Variants in ASTN2 observed in about 807,000 individuals in gnomAD.
The protein encoded by ASTN2 is astrotactin-2.
ASTN2 carries 54 observed loss-of-function variants against 139.8 expected under a neutral mutation model. The ratio of observed to expected loss-of-function variants is 0.39; its 90% CI spans 0.31 to 0.48. The LOEUF is 0.48. ASTN2 is among the 20% of genes least tolerant of loss of function. ASTN2 has a pLI of 0.95. For missense variants in ASTN2, 1,565 were observed against 1,725.1 expected, an observed-to-expected ratio of 0.91 and a Z score of 1.64; for synonymous variants, 756 against 719.5, an observed-to-expected ratio of 1.05 and a Z score of -0.81.
rs746847988 is a variant in ASTN2, at chr9:116,651,687, T to G, written c.2913A>C (p.Ser971=). ...TCTCCTCACAGCGAATCTCCACACC[T>G]GAAATGAGCTGGTCATCTGACAGCA... ...AQMLSDDQLI[S]GVEIRCEEKG... Residue 971 remains serine (S), a synonymous_variant, in exon 17 of 23, where the codon TCA becomes TCC. Transcript: ENST00000313400. 1 of 1,614,078 alleles carries G rather than the reference T, an allele frequency of 6.2e-7. No homozygotes were observed. The highest frequency in any genetic ancestry group is 1.1e-5 in the South Asian group (1 of 91,078).
At chr9:117,110,141 T>C (rs1829214739) in intron 4 of ASTN2, among the ~76,000 whole-genome samples, 1 of 152,256 alleles carries the variant, frequency 6.6e-6, no homozygotes, top group Admixed American at 6.5e-5. Flanking sequence ...TATTTCTTGC[T>C]TTAATAATAT....
intron 1 of ASTN2, among the ~76,000 whole-genome samples, chr9:117,311,821 T>C (rs1355689222): frequency 6.6e-6 from 1 of 152,160 alleles, no homozygotes; most frequent in Non-Finnish European, 1.5e-5. Flanking sequence ...CTCATGAATG[T>C]TCGTGAAGTG....
chr9:117,386,011 C>G (rs1379340898), intron 1 of ASTN2, among the ~76,000 whole-genome samples: 1 of 152,044 alleles, frequency 6.6e-6, no homozygotes, highest in African/African-American at 2.4e-5. Flanking sequence ...CAGGAAGGCC[C>G]AGTGCTCAGG....
At chr9:117,152,267 C>G (rs578206481) in intron 3 of ASTN2, among the ~76,000 whole-genome samples, 1 of 152,268 alleles carries the variant, frequency 6.6e-6, no homozygotes, top group African/African-American at 2.4e-5. Context: ...GGGTCTTGCA[C>G]AGAGTCAAAG....
At chr9:116,506,242 C>T (rs1850104095) in intron 19 of ASTN2, among the ~76,000 whole-genome samples, 1 of 152,174 alleles carries the variant, frequency 6.6e-6, no homozygotes, top group South Asian at 2.1e-4. Flanking sequence ...GGCTGGCATT[C>T]TGATGCACAC....
chr9:117,159,248 T>C (rs1043015378), intron 3 of ASTN2, among the ~76,000 whole-genome samples: 2 of 152,002 alleles, frequency 1.3e-5, no homozygotes, highest in African/African-American at 4.8e-5. Flanking sequence ...CTGAACAGTT[T>C]TTTTAAAATC....
rs56991546 is a variant in ASTN2 at position 116,718,972 on chromosome 9, G to GTGTGTGTGTGTATATATATATATATA, written c.2806+6798_2806+6799insTATATATATATATATACACACACACA. Among the ~76,000 whole-genome samples, 22 of 100,046 alleles carry GTGTGTGTGTGTATATATATATATATA rather than the reference G, an allele frequency of 2.2e-4. 1 individual carries two copies. Among genetic ancestry groups the GTGTGTGTGTGTATATATATATATATA allele is most frequent in the African/African-American group, 7.7e-4 (20 of 26,054 alleles). The allele number at this position is 100,046 out of a possible 152,430, so 65.6% of individuals were successfully genotyped here. A position where few individuals can be genotyped will look rare whatever the true frequency, so the allele number is the denominator to read the frequency against. ...TATTTACATATCTATACCTGTATCT[G>GTGTGTGTGTGTATATATATATATATA]TACATATATATATATATATCTGCCT... On this transcript the variant is annotated intron_variant, in intron 16 of 22. Coordinates refer to ENST00000313400, the MANE Select transcript of ASTN2 (RefSeq NM_001365068.1).
chr9:117,117,172 T>C (rs1376794768), intron 4 of ASTN2, among the ~76,000 whole-genome samples: 1 of 152,000 alleles, frequency 6.6e-6, no homozygotes, highest in Non-Finnish European at 1.5e-5. Flanking sequence ...GGTACCTCAG[T>C]TTCCCCTTAG....
At chr9:116,897,988 A>T (rs553171028) in intron 10 of ASTN2, among the ~76,000 whole-genome samples, 2 of 152,310 alleles carry the variant, frequency 1.3e-5, no homozygotes, top group South Asian at 4.1e-4. Context: ...GAGTGATTTT[A>T]GTTATAGTGA....
intron 5 of ASTN2, among the ~76,000 whole-genome samples, chr9:117,060,657 G>C (rs937850452): frequency 1.3e-5 from 2 of 151,932 alleles, no homozygotes; most frequent in African/African-American, 4.8e-5. Context: ...ACTTTGGGAG[G>C]CTGAGGTGGG....
chr9:117,122,303 C>T (rs1403770728), intron 4 of ASTN2, among the ~76,000 whole-genome samples: 18 of 152,152 alleles, frequency 1.2e-4, no homozygotes, highest in Non-Finnish European at 2.9e-5. Flanking sequence ...ATGACTCTCA[C>T]ATAAGATGAG....
At chr9:117,168,509 G>A (rs1038347709) in intron 3 of ASTN2, among the ~76,000 whole-genome samples, 1 of 152,104 alleles carries the variant, frequency 6.6e-6, no homozygotes, top group African/African-American at 2.4e-5. Flanking sequence ...ATTTGGAGGT[G>A]AGAGTTCTGT....
At chr9:116,533,404 A>C (rs1851455125) in intron 19 of ASTN2, among the ~76,000 whole-genome samples, 1 of 152,158 alleles carries the variant, frequency 6.6e-6, no homozygotes. Context: ...TATGTTGAAT[A>C]GGAGTGGTGA....
At chr9:117,135,727 G>C (rs1283675540) in intron 4 of ASTN2, among the ~76,000 whole-genome samples, 2 of 152,174 alleles carry the variant, frequency 1.3e-5, no homozygotes, top group African/African-American at 4.8e-5. Flanking sequence ...GGCTGCGGTA[G>C]GGGCTGAGAA....
intron 10 of ASTN2, among the ~76,000 whole-genome samples, chr9:116,897,275 T>C (rs534817600): frequency 2.6e-5 from 4 of 152,326 alleles, no homozygotes; most frequent in African/African-American, 7.2e-5. Flanking sequence ...TCTGTGACGA[T>C]TGTCAAGTCA....
chr9:116,727,313 A>C (rs184586159), intron 15 of ASTN2, among the ~76,000 whole-genome samples: 61 of 152,282 alleles, frequency 4.0e-4, no homozygotes, highest in Admixed American at 7.8e-4. Flanking sequence ...AACCACAATT[A>C]TTACAAGAAC....
intron 1 of ASTN2, among the ~76,000 whole-genome samples, chr9:117,302,281 T>G (rs1345479557): frequency 6.6e-6 from 1 of 151,830 alleles, no homozygotes; most frequent in Non-Finnish European, 1.5e-5. Context: ...AGGAAGAGAG[T>G]GTAAAGGGAT....
chr9:116,866,892 CAAAAAAAAA>C (rs57448374), intron 10 of ASTN2, among the ~76,000 whole-genome samples: 2 of 90,688 alleles, frequency 2.2e-5, no homozygotes, highest in South Asian at 9.1e-4. Context: ...GACTCCGTCT[CAAAAAAAAA>C]AAAAAAAAAA....
At chr9:117,244,603 G>GAGGC (rs1833318916) in intron 2 of ASTN2, among the ~76,000 whole-genome samples, 2 of 90,456 alleles carry the variant, frequency 2.2e-5, no homozygotes, top group African/African-American at 3.7e-5. Context: ...GGGAGGGAGG[G>GAGGC]AGGAGAGGGA....
Sources: gnomAD v4.1 joint callset for allele counts (sites outside exome capture counted in the v4.1 genomes callset) on GRCh38, gnomAD v4.1.1 for gene constraint, MANE v1.5 for transcripts, NCBI Gene and HGNC (gene_info 2026-07-23, HGNC 2026-07-21) for gene names.